The following DYM variants were observed in gnomAD, a reference collection of about 807,000 sequenced individuals.
DYM encodes the protein dymeclin, also known as dyggve-Melchior-Clausen syndrome protein.
In DYM, 78 loss-of-function variants were observed where a neutral mutation model predicts 93.1. That is an observed-to-expected ratio of 0.84 (90% CI 0.70 to 1.01). DYM has a LOEUF of 1.01. Among genes scored for constraint, DYM ranks in the 50% least tolerant of loss-of-function variants. The pLI is 0.00. For missense variants in DYM, 789 were observed against 845.0 expected (o/e 0.93, Z 0.82); for synonymous variants, 321 against 319.7 (o/e 1.00, Z -0.04).
chr18:49,452,831 G>T (rs1296794914), intron 1 of DYM, among the ~76,000 whole-genome samples: 2 of 134,638 alleles, frequency 1.5e-5, no homozygotes, highest in Non-Finnish European at 1.6e-5. Flanking sequence ...TGAGTCTAGT[G>T]GGGACTTGGA....
chr18:49,226,974 AGACTTTGGGG>A (rs2093555633), intron 13 of DYM, among the ~76,000 whole-genome samples: 1 of 152,174 alleles, frequency 6.6e-6, no homozygotes, highest in Non-Finnish European at 1.5e-5. Context: ...AAAAAAATCT[AGACTTTGGGG>A]GACATGAATG....
chr18:49,295,862 C>T (rs2060506903), intron 8 of DYM, among the ~76,000 whole-genome samples: 1 of 151,658 alleles, frequency 6.6e-6, no homozygotes, highest in African/African-American at 2.4e-5. Context: ...ATTCCATGTG[C>T]ACTTTACCCA....
chr18:49,046,086 A>G (rs984172476), intron 17 of DYM, among the ~76,000 whole-genome samples: 19 of 129,778 alleles, frequency 1.5e-4, no homozygotes, highest in South Asian at 4.8e-4. Context: ...GCATGCGCGC[A>G]CACACACACA....
At chr18:49,373,416 G>T (rs1303528624) in intron 5 of DYM, among the ~76,000 whole-genome samples, 1 of 152,150 alleles carries the variant, frequency 6.6e-6, no homozygotes, top group African/African-American at 2.4e-5. Context: ...ACCATATAGG[G>T]TAACTTCTTA....
chr18:49,396,769 C>T (rs2070145173), intron 2 of DYM, among the ~76,000 whole-genome samples: 1 of 151,980 alleles, frequency 6.6e-6, no homozygotes, highest in Admixed American at 6.6e-5. Context: ...CCGTCATTTG[C>T]GGCACCTGGA....
At chr18:49,365,564 T>A (rs1395785374) in intron 5 of DYM, among the ~76,000 whole-genome samples, 3 of 152,190 alleles carry the variant, frequency 2.0e-5, no homozygotes, top group African/African-American at 7.2e-5. Flanking sequence ...TGTTGGTATG[T>A]AATATATACT....
chr18:49,259,131 C>A (rs963618668), intron 11 of DYM, among the ~76,000 whole-genome samples: 1 of 152,156 alleles, frequency 6.6e-6, no homozygotes, highest in Non-Finnish European at 1.5e-5. Flanking sequence ...AAGGAAGAGA[C>A]TGCTGGGCTG....
chr18:49,202,865 G>T (rs1268204423), intron 14 of DYM, among the ~76,000 whole-genome samples: 3 of 101,042 alleles, frequency 3.0e-5, no homozygotes, highest in Non-Finnish European at 6.6e-5. Flanking sequence ...AGTGAGGAGC[G>T]TCTCCGCCCG....
chr18:49,223,991 T>C (rs73443812), intron 13 of DYM, among the ~76,000 whole-genome samples: 3,954 of 152,082 alleles, frequency 0.026, 162 homozygotes, highest in African/African-American at 0.089. Context: ...TTTGAAATGA[T>C]TGGCTGGTTG....
intron 8 of DYM, among the ~76,000 whole-genome samples, chr18:49,310,595 A>C (rs2061532791): frequency 6.6e-6 from 1 of 152,208 alleles, no homozygotes; most frequent in Non-Finnish European, 1.5e-5. Context: ...AAGAATTATT[A>C]GATATTTTAA....
chr18:49,296,784 G>A (rs1480639261), intron 8 of DYM, among the ~76,000 whole-genome samples: 3 of 152,068 alleles, frequency 2.0e-5, no homozygotes, highest in Non-Finnish European at 2.9e-5. Context: ...ACAGTCATTT[G>A]TTCTAATACA....
chr18:49,273,229 T>A lies in DYM; in HGVS notation c.1126-926A>T, dbSNP rs558926720. ...TCTTTTACAAGTTGTAGCTAAAACT[T>A]CCTCTAAATTATGAAGTTCAGTGCA... On this transcript the variant is annotated intron_variant, in intron 10 of 17. Coordinates refer to ENST00000675505, the MANE Select transcript of DYM (RefSeq NM_001353214.3). Among the ~76,000 whole-genome samples the A allele has an allele frequency of 1.1e-4, 17 of 152,212 alleles. No homozygotes were observed. The South Asian group carries it at 3.1e-3, about 28-fold the overall frequency.
intron 15 of DYM, among the ~76,000 whole-genome samples, chr18:49,124,869 T>G (rs1420324223): frequency 6.6e-6 from 1 of 152,268 alleles, no homozygotes; most frequent in Non-Finnish European, 1.5e-5. Flanking sequence ...TACAACTATT[T>G]TGAAAAACAA....
In DYM at chr18:49,068,237, A is replaced by G. The variant is rs2144817462; in HGVS notation, c.2026-24033T>C. Among the ~76,000 whole-genome samples, 2 of 152,294 alleles carry G rather than the reference A, an allele frequency of 1.3e-5. 1 individual carries two copies. Among genetic ancestry groups the G allele is most frequent in the African/African-American group, 4.8e-5 (2 of 41,570 alleles). ...GTGCAGTCAGGAAGTCCAGGATAGG[A>G]GCCTGGATCTGCCCCCACCAGCCTG... On this transcript the variant is annotated intron_variant, in intron 17 of 17. Coordinates refer to ENST00000675505, the MANE Select transcript of DYM (RefSeq NM_001353214.3).
At chr18:49,171,430 A>G (rs916522068) in intron 14 of DYM, among the ~76,000 whole-genome samples, 1 of 152,158 alleles carries the variant, frequency 6.6e-6, no homozygotes, top group Non-Finnish European at 1.5e-5. Flanking sequence ...TGAACTCCAC[A>G]AAAGACCTGG....
intron 2 of DYM, among the ~76,000 whole-genome samples, chr18:49,404,101 G>A (rs867478184): frequency 2.0e-5 from 3 of 151,652 alleles, no homozygotes; most frequent in Non-Finnish European, 2.9e-5. Flanking sequence ...TCCGCCTCCC[G>A]GATTCAAGCA....
At chr18:49,045,987 G>A (rs2071446385) in intron 17 of DYM, among the ~76,000 whole-genome samples, 1 of 152,126 alleles carries the variant, frequency 6.6e-6, no homozygotes, top group African/African-American at 2.4e-5. Context: ...CCTAGTCCAG[G>A]GAAGGGGGAA....
At chr18:49,084,150 G>A (rs575215669) in intron 17 of DYM, among the ~76,000 whole-genome samples, 12 of 152,158 alleles carry the variant, frequency 7.9e-5, no homozygotes, top group East Asian at 7.7e-4. Flanking sequence ...CACTTGAGCC[G>A]CATCTCACAA....
intron 8 of DYM, among the ~76,000 whole-genome samples, chr18:49,313,975 T>C (rs1024756449): frequency 7.2e-5 from 11 of 151,918 alleles, no homozygotes; most frequent in African/African-American, 2.7e-4. Flanking sequence ...AAAACACAAG[T>C]GGCCAGGCGC....
Sources: gnomAD v4.1 joint callset for allele counts (sites outside exome capture counted in the v4.1 genomes callset) on GRCh38, gnomAD v4.1.1 for gene constraint, MANE v1.5 for transcripts, NCBI Gene and HGNC (gene_info 2026-07-23, HGNC 2026-07-21) for gene names.